Variants in DLG2 observed in about 807,000 individuals in gnomAD.
DLG2 encodes disks large homolog 2.
In DLG2, 45 loss-of-function variants were observed where a neutral mutation model predicts 132.5. That is an observed-to-expected ratio of 0.34 (90% CI 0.27 to 0.44). The LOEUF (loss-of-function observed/expected upper bound fraction) is 0.44. Ranked by LOEUF, DLG2 falls within the 20% of genes least tolerant of loss-of-function variation. The probability of loss-of-function intolerance (pLI) is 1.00; values close to 1 mark genes in which losing one functional copy is unlikely to be tolerated. For missense variants in DLG2, 1,045 were observed against 1,196.9 expected, an observed-to-expected ratio of 0.87 and a Z score of 1.87; for synonymous variants, 424 against 419.6, an observed-to-expected ratio of 1.01 and a Z score of -0.13.
intron 3 of DLG2, among the ~76,000 whole-genome samples, chr11:85,374,934 T>A (rs142522423): frequency 1.3e-5 from 2 of 152,226 alleles, no homozygotes; most frequent in East Asian, 3.9e-4. Context: ...AATGTTACGA[T>A]ACTTGCAATT....
At chr11:83,985,286 C>T (rs2093173999) in intron 11 of DLG2, among the ~76,000 whole-genome samples, 1 of 151,990 alleles carries the variant, frequency 6.6e-6, no homozygotes, top group African/African-American at 2.4e-5. Context: ...GCTAATTTTT[C>T]CCTCCTTCAT....
At chr11:85,334,346 C>A (rs923432984) in intron 3 of DLG2, among the ~76,000 whole-genome samples, 1 of 151,882 alleles carries the variant, frequency 6.6e-6, no homozygotes, top group Non-Finnish European at 1.5e-5. Flanking sequence ...TTCTAGCTAG[C>A]AGTTTATCAA....
chr11:84,621,234 A>G (rs2099613362), intron 6 of DLG2, among the ~76,000 whole-genome samples: 1 of 152,314 alleles, frequency 6.6e-6, no homozygotes, highest in South Asian at 2.1e-4. Context: ...GTTATTAAAT[A>G]TAACAGAGTA....
intron 6 of DLG2, among the ~76,000 whole-genome samples, chr11:84,551,363 T>A (rs1427582794): frequency 6.6e-6 from 1 of 152,214 alleles, no homozygotes; most frequent in Non-Finnish European, 1.5e-5. Context: ...GAATGTTATT[T>A]TGTGCTTACT....
chr11:84,305,043 G>C (rs1190918222), intron 7 of DLG2, among the ~76,000 whole-genome samples: 2 of 151,616 alleles, frequency 1.3e-5, no homozygotes, highest in East Asian at 3.9e-4. Flanking sequence ...AGTAAAAGAA[G>C]AAATAAAAAA....
intron 3 of DLG2, among the ~76,000 whole-genome samples, chr11:85,545,328 G>A (rs759707415): frequency 4.6e-5 from 7 of 152,124 alleles, no homozygotes; most frequent in Non-Finnish European, 8.8e-5. Context: ...TTGCATCCCC[G>A]GGATGCAGCC....
intron 8 of DLG2, among the ~76,000 whole-genome samples, chr11:84,168,754 C>T (rs1324661503): frequency 6.6e-6 from 1 of 151,832 alleles, no homozygotes; most frequent in Non-Finnish European, 1.5e-5. Flanking sequence ...GAGCTTGGCT[C>T]CTCTCAGAAG....
At chr11:84,092,538 C>T (rs2097107865) in intron 10 of DLG2, among the ~76,000 whole-genome samples, 2 of 152,148 alleles carry the variant, frequency 1.3e-5, no homozygotes, top group Admixed American at 1.3e-4. Flanking sequence ...TCTCCTATAT[C>T]TCTTTTATGA....
At chr11:84,116,355 T>C (rs2093632923) in intron 9 of DLG2, among the ~76,000 whole-genome samples, 1 of 152,204 alleles carries the variant, frequency 6.6e-6, no homozygotes. Flanking sequence ...CCATGTTTTG[T>C]TAGTCCATTC....
intron 6 of DLG2, among the ~76,000 whole-genome samples, chr11:84,774,456 T>C (rs1281718275): frequency 6.6e-6 from 1 of 152,028 alleles, no homozygotes; most frequent in Non-Finnish European, 1.5e-5. Flanking sequence ...CTAAAATCCA[T>C]ATGGAACAAC....
chr11:85,153,182 C>T (rs1185697865), intron 5 of DLG2, among the ~76,000 whole-genome samples: 1 of 152,140 alleles, frequency 6.6e-6, no homozygotes, highest in Non-Finnish European at 1.5e-5. Context: ...GGTCACATGA[C>T]TAATTTGTGA....
intron 6 of DLG2, among the ~76,000 whole-genome samples, chr11:84,674,758 G>A (rs960251924): frequency 7.2e-5 from 11 of 152,116 alleles, no homozygotes; most frequent in Admixed American, 3.3e-4. Context: ...AATATGTGAT[G>A]TATGTGTCCA....
At chr11:84,667,412 A>G (rs1186963716) in intron 6 of DLG2, among the ~76,000 whole-genome samples, 1 of 152,012 alleles carries the variant, frequency 6.6e-6, no homozygotes, top group East Asian at 1.9e-4. Context: ...TCTTAGACAA[A>G]GTCTTTAAAA....
chr11:85,475,890 T>C (rs1252107634), intron 3 of DLG2, among the ~76,000 whole-genome samples: 4 of 152,108 alleles, frequency 2.6e-5, no homozygotes, highest in Non-Finnish European at 5.9e-5. Context: ...CTTTCTCAAG[T>C]CCCAGTTGCT....
At chr11:84,370,086 T>C (rs999723479) in intron 7 of DLG2, among the ~76,000 whole-genome samples, 1 of 152,144 alleles carries the variant, frequency 6.6e-6, no homozygotes, top group Non-Finnish European at 1.5e-5. Flanking sequence ...GATGAGAATG[T>C]TATATCTTAC....
At chr11:83,741,118 A>G (rs1243584272) in intron 18 of DLG2, among the ~76,000 whole-genome samples, 1 of 152,156 alleles carries the variant, frequency 6.6e-6, no homozygotes, top group Non-Finnish European at 1.5e-5. Context: ...ACTGATAAAA[A>G]CCCTTAACAG....
intron 3 of DLG2, among the ~76,000 whole-genome samples, chr11:85,513,269 T>C (rs1310740064): frequency 6.6e-6 from 1 of 151,940 alleles, no homozygotes; most frequent in Non-Finnish European, 1.5e-5. Flanking sequence ...ATGGGATCAT[T>C]AGAAGCCCAA....
chr11:84,245,763 C>T (rs1456014576), intron 8 of DLG2, among the ~76,000 whole-genome samples: 2 of 152,170 alleles, frequency 1.3e-5, no homozygotes, highest in Non-Finnish European at 2.9e-5. Flanking sequence ...CATTGACCTA[C>T]AATATAAAGT....
chr11:84,971,482 T>C (rs919451329), intron 6 of DLG2, among the ~76,000 whole-genome samples: 1 of 152,176 alleles, frequency 6.6e-6, no homozygotes, highest in Non-Finnish European at 1.5e-5. Context: ...GAAACGAGAA[T>C]TGTAGAAACA....
Sources: gnomAD v4.1 joint callset for allele counts (sites outside exome capture counted in the v4.1 genomes callset) on GRCh38, gnomAD v4.1.1 for gene constraint, MANE v1.5 for transcripts, NCBI Gene and HGNC (gene_info 2026-07-23, HGNC 2026-07-21) for gene names.